TLN2: variants seen among roughly 807,000 people sequenced by gnomAD.
The protein encoded by TLN2 is talin-2.
In TLN2, 118 loss-of-function variants were observed where a neutral mutation model predicts 294.7. That is an observed-to-expected ratio of 0.40 (90% CI 0.34 to 0.47). The LOEUF is 0.47. TLN2 is among the 20% of genes least tolerant of loss of function. The pLI, the probability that TLN2 is intolerant of heterozygous loss-of-function variation, is 0.84. For missense variants in TLN2, 3,083 were observed against 3,282.2 expected (o/e 0.94, Z 1.48); for synonymous variants, 1,431 against 1,304.5 (o/e 1.10, Z -2.09).
At chr15:62,553,275 C>T (rs2042424084) in intron 1 of TLN2, among the ~76,000 whole-genome samples, 1 of 152,126 alleles carries the variant, frequency 6.6e-6, no homozygotes, top group African/African-American at 2.4e-5. Flanking sequence ...GCAGATGGAT[C>T]ATCTGTCAGG....
chr15:62,781,422 C>G (rs1363873951), intron 44 of TLN2, among the ~76,000 whole-genome samples, 181 bp downstream of exon 44: 1 of 152,168 alleles, frequency 6.6e-6, no homozygotes, highest in East Asian at 1.9e-4. Context: ...CCAGTAGCCC[C>G]AGTCTGCTGC....
In TLN2 at chr15:62,797,414, G is replaced by T. The variant is rs778601720; in HGVS notation, c.6234+12G>T. The T allele has an allele frequency of 2.5e-6, 4 of 1,582,512 alleles. No homozygotes were observed. In the Admixed American group the frequency reaches 7.4e-5, roughly 29 times the overall value. ...ACCCCGAGACCCAGGTACCAGCAGG[G>T]CCTGGGGAGTGCGTCCTCCCGGTCT... On this transcript the variant is annotated intron_variant, in intron 48 of 58. Transcript: ENST00000636159.
At chr15:62,405,870 C>T (rs768192456) in intron 1 of TLN2, among the ~76,000 whole-genome samples, 7 of 152,154 alleles carry the variant, frequency 4.6e-5, no homozygotes, top group Non-Finnish European at 7.4e-5. Context: ...TTGAGTGCCC[C>T]GATCTTGTGA....
chr15:62,469,408 C>G (rs572576964), intron 1 of TLN2, among the ~76,000 whole-genome samples: 1 of 152,320 alleles, frequency 6.6e-6, no homozygotes, highest in African/African-American at 2.4e-5. Flanking sequence ...AATTCAGTCC[C>G]TTTCACAATG....
At chr15:62,793,520 T>G (rs2065229106) in intron 46 of TLN2, among the ~76,000 whole-genome samples, 1 of 152,200 alleles carries the variant, frequency 6.6e-6, no homozygotes, top group Admixed American at 6.5e-5. Context: ...CCTGGTACAG[T>G]GCCAGACACA....
At chr15:62,415,419 T>C (rs2034018970) in intron 1 of TLN2, among the ~76,000 whole-genome samples, 2 of 142,682 alleles carry the variant, frequency 1.4e-5, no homozygotes, top group African/African-American at 5.0e-5. Context: ...ATTCTGCTGC[T>C]GAAAGGACTT....
chr15:62,499,828 C>G (rs1203544780), intron 1 of TLN2, among the ~76,000 whole-genome samples: 1 of 152,010 alleles, frequency 6.6e-6, no homozygotes, highest in African/African-American at 2.4e-5. Flanking sequence ...GTCTCGAACT[C>G]CCGACCTCAG....
chr15:62,642,844 G>C (rs534442768), intron 3 of TLN2, among the ~76,000 whole-genome samples: 2 of 152,090 alleles, frequency 1.3e-5, no homozygotes, highest in African/African-American at 4.8e-5. Context: ...TGGGATTACA[G>C]GTGCCCACCA....
intron 2 of TLN2, among the ~76,000 whole-genome samples, chr15:62,617,609 C>A (rs983045650): frequency 6.6e-6 from 1 of 152,216 alleles, no homozygotes; most frequent in Non-Finnish European, 1.5e-5. Flanking sequence ...TGCCATCTCA[C>A]AAGGCCTCAT....
At chr15:62,474,016 C>T (rs2037643085) in intron 1 of TLN2, among the ~76,000 whole-genome samples, 1 of 152,208 alleles carries the variant, frequency 6.6e-6, no homozygotes, top group Admixed American at 6.5e-5. Context: ...ATCGCTTGAA[C>T]CCCGGAGGCG....
intron 54 of TLN2, chr15:62,827,818 A>G (rs189394248): frequency 7.6e-4 from 116 of 152,366 alleles, no homozygotes; most frequent in African/African-American, 2.7e-3. Context: ...TGAGTCAGCC[A>G]TGCTTTACAT....
chr15:62,412,470 GA>G (rs1334943553), intron 1 of TLN2, among the ~76,000 whole-genome samples: 2 of 152,160 alleles, frequency 1.3e-5, no homozygotes, highest in Admixed American at 6.5e-5. Flanking sequence ...GTTGACCCTG[GA>G]AGAATGATGC....
intron 36 of TLN2, chr15:62,754,629 A>C: frequency 6.6e-6 from 1 of 152,622 alleles, no homozygotes; most frequent in East Asian, 1.9e-4. Context: ...CCTGGGGCCC[A>C]CGTTCTTGAG....
chr15:62,786,110 CT>C (rs1322600249), intron 45 of TLN2, among the ~76,000 whole-genome samples: 2 of 152,072 alleles, frequency 1.3e-5, no homozygotes, highest in Non-Finnish European at 2.9e-5. Context: ...AAGGAAAATT[CT>C]TTGTGTACAT....
chr15:62,563,916 A>G (rs1486616925), intron 1 of TLN2, among the ~76,000 whole-genome samples: 1 of 152,108 alleles, frequency 6.6e-6, no homozygotes, highest in Non-Finnish European at 1.5e-5. Flanking sequence ...CACTGGATGG[A>G]AGGGGGTGGG....
At chr15:62,839,547 CT>C (rs765457317) in intron 58 of TLN2, among the ~76,000 whole-genome samples, 44 of 152,212 alleles carry the variant, frequency 2.9e-4, no homozygotes, top group Non-Finnish European at 5.9e-4. Context: ...GGGATTCTGA[CT>C]TACGCAGGAT....
chr15:62,701,918 C>G, intron 17 of TLN2, 74 bp from the exon 18 acceptor site: 2 of 1,534,128 alleles, frequency 1.3e-6, no homozygotes, highest in Non-Finnish European at 1.8e-6. Context: ...GAACTCCTGC[C>G]AGTGTGGGGT....
chr15:62,529,208 G>A (rs139358511), intron 1 of TLN2, among the ~76,000 whole-genome samples: 7 of 151,556 alleles, frequency 4.6e-5, no homozygotes, highest in South Asian at 4.2e-4. Flanking sequence ...ACCCTCTTAC[G>A]TCAGCATCCT....
chr15:62,565,247 C>T (rs553102294), intron 1 of TLN2, among the ~76,000 whole-genome samples: 18 of 152,112 alleles, frequency 1.2e-4, no homozygotes, highest in African/African-American at 2.7e-4. Context: ...GAAGTATTTA[C>T]GATATTCTTT....
Sources: allele counts gnomAD v4.1 joint callset (sites outside exome capture counted in the v4.1 genomes callset), GRCh38; gene constraint gnomAD v4.1.1; transcripts MANE v1.5; gene names NCBI Gene and HGNC (gene_info 2026-07-23, HGNC 2026-07-21).